The following C1QTNF3 variants were observed in gnomAD, a reference collection of about 807,000 sequenced individuals.
C1QTNF3 encodes the protein complement C1q tumor necrosis factor-related protein 3.
Under a neutral mutation model 32.6 loss-of-function variants are expected in C1QTNF3, and 26 were observed. The ratio of observed to expected loss-of-function variants is 0.80; its 90% CI spans 0.58 to 1.11. C1QTNF3 has a LOEUF of 1.11. Ranked by LOEUF, C1QTNF3 falls within the 50% of genes least tolerant of loss-of-function variation. C1QTNF3 has a pLI of 0.00. For missense variants in C1QTNF3, 362 were observed against 398.2 expected, an observed-to-expected ratio of 0.91 and a Z score of 0.77; for synonymous variants, 155 against 146.0, an observed-to-expected ratio of 1.06 and a Z score of -0.44.
the C1QTNF3 span, among the ~76,000 whole-genome samples, chr5:34,058,464 C>T: frequency 2.6e-5 from 4 of 152,174 alleles, no homozygotes; most frequent in African/African-American, 4.8e-5. Context: ...ACTTTGCTTT[C>T]CCGGCTCACT....
the C1QTNF3 span, among the ~76,000 whole-genome samples, chr5:34,086,092 T>C: frequency 2.0e-5 from 3 of 149,912 alleles, no homozygotes; most frequent in African/African-American, 7.5e-5. Flanking sequence ...ATATACACCA[T>C]GGAATACTAT....
intron 2 of C1QTNF3, among the ~76,000 whole-genome samples, chr5:34,034,708 C>G (rs213583): frequency 0.45 from 68,873 of 152,008 alleles, 17,033 homozygotes; most frequent in South Asian, 0.74. Context: ...TGTAACCTCA[C>G]AAGAGTTAAG....
At chr5:34,133,959 T>C in the C1QTNF3 span, among the ~76,000 whole-genome samples, 4 of 152,212 alleles carry the variant, frequency 2.6e-5, no homozygotes, top group Admixed American at 2.6e-4. Flanking sequence ...CAGCTGACTA[T>C]CCAAATGAGT....
intron 4 of C1QTNF3, 67 bp downstream of exon 4, chr5:34,028,686 CT>C: frequency 7.4e-7 from 1 of 1,355,476 alleles, no homozygotes; most frequent in Non-Finnish European, 9.9e-7. Context: ...CTCTTCTTTC[CT>C]TCCTTCCTTA....
chr5:34,143,068 A>G, the C1QTNF3 span, among the ~76,000 whole-genome samples: 1 of 152,246 alleles, frequency 6.6e-6, no homozygotes, highest in Non-Finnish European at 1.5e-5. Context: ...CTGAAAGATT[A>G]GTAACTTTTT....
At chr5:34,148,831 C>T in the C1QTNF3 span, among the ~76,000 whole-genome samples, 1 of 92,884 alleles carries the variant, frequency 1.1e-5, no homozygotes. Context: ...AGTTCCTCAC[C>T]AGCAACAGAA....
chr5:34,026,688 T>C (rs1368662459), intron 4 of C1QTNF3, among the ~76,000 whole-genome samples: 4 of 152,198 alleles, frequency 2.6e-5, no homozygotes, highest in African/African-American at 9.6e-5. Context: ...GTCTAGAAAC[T>C]GCCCTGGTCC....
the C1QTNF3 span, among the ~76,000 whole-genome samples, chr5:34,208,407 G>A: frequency 6.6e-6 from 1 of 152,036 alleles, no homozygotes; most frequent in East Asian, 1.9e-4. Flanking sequence ...AAGTCATTGT[G>A]GGGAACTATC....
the C1QTNF3 span, among the ~76,000 whole-genome samples, chr5:34,176,735 T>C: frequency 6.6e-6 from 1 of 152,090 alleles, no homozygotes; most frequent in Admixed American, 6.5e-5. Flanking sequence ...CACACACCTG[T>C]GGTCCCAGCT....
At chr5:34,083,877 T>C in the C1QTNF3 span, among the ~76,000 whole-genome samples, 1 of 151,900 alleles carries the variant, frequency 6.6e-6, no homozygotes, top group African/African-American at 2.4e-5. Context: ...ATATTCAAAT[T>C]GTTCCATCAC....
intron 1 of C1QTNF3, 82 bp from the exon 2 acceptor site, chr5:34,035,840 C>G (rs1754724391): frequency 2.1e-6 from 2 of 962,844 alleles, no homozygotes; most frequent in Non-Finnish European, 3.2e-6. Context: ...GGCCTTGGCC[C>G]TTAGGTAAGC....
At chr5:34,035,196 C>T (rs1394055106) in intron 2 of C1QTNF3, among the ~76,000 whole-genome samples, 7 of 152,178 alleles carry the variant, frequency 4.6e-5, no homozygotes, top group Non-Finnish European at 1.0e-4. Flanking sequence ...CCAGAGCATT[C>T]CCCATACCAC....
the C1QTNF3 span, among the ~76,000 whole-genome samples, chr5:34,202,464 A>G: frequency 1.3e-5 from 2 of 152,244 alleles, no homozygotes; most frequent in Non-Finnish European, 2.9e-5. Context: ...TTCTTAATAA[A>G]TACATTTTAA....
chr5:34,164,105 A>G, the C1QTNF3 span, among the ~76,000 whole-genome samples: 1 of 152,190 alleles, frequency 6.6e-6, no homozygotes, highest in Admixed American at 6.6e-5. Flanking sequence ...CTATTCAATT[A>G]AAAAGACTGA....
chr5:34,118,969 A>C, the C1QTNF3 span, among the ~76,000 whole-genome samples: 2 of 152,164 alleles, frequency 1.3e-5, no homozygotes, highest in South Asian at 4.1e-4. Flanking sequence ...TTGTATATAC[A>C]TTACCAACAC....
chr5:34,139,119 A>G, the C1QTNF3 span, among the ~76,000 whole-genome samples: 1 of 152,020 alleles, frequency 6.6e-6, no homozygotes, highest in Non-Finnish European at 1.5e-5. Flanking sequence ...ATTTCTATAT[A>G]TGAAGGTATT....
the C1QTNF3 span, among the ~76,000 whole-genome samples, chr5:34,223,504 G>C: frequency 6.7e-6 from 1 of 149,752 alleles, no homozygotes; most frequent in African/African-American, 2.5e-5. Flanking sequence ...CTTTATAGCA[G>C]CATGATTTAT....
chr5:34,027,837 A>T (rs1754505991), intron 4 of C1QTNF3, among the ~76,000 whole-genome samples: 1 of 151,734 alleles, frequency 6.6e-6, no homozygotes, highest in Admixed American at 6.6e-5. Context: ...AAGAAAGAAG[A>T]TGAAGTAATG....
At chr5:34,183,267 G>A in the C1QTNF3 span, among the ~76,000 whole-genome samples, 3 of 151,760 alleles carry the variant, frequency 2.0e-5, no homozygotes, top group Admixed American at 6.5e-5. Context: ...TTGAGCCACC[G>A]TGCCCGGCCC....
Sources: allele counts gnomAD v4.1 joint callset (sites outside exome capture counted in the v4.1 genomes callset), GRCh38; gene constraint gnomAD v4.1.1; transcripts MANE v1.5; gene names NCBI Gene and HGNC (gene_info 2026-07-23, HGNC 2026-07-21).